The following GLP2R variants were observed in gnomAD, a reference collection of about 807,000 sequenced individuals.
GLP2R encodes the protein glucagon like peptide 2 receptor, also known as glucagon-like peptide 2 receptor.
A neutral mutation model predicts 68.2 loss-of-function variants in GLP2R; 59 were observed. The ratio of observed to expected loss-of-function variants is 0.87; its 90% CI spans 0.70 to 1.07. The LOEUF (loss-of-function observed/expected upper bound fraction) is 1.07. Ranked by LOEUF, GLP2R falls within the 50% of genes least tolerant of loss-of-function variation. The pLI is 0.00. For synonymous variants in GLP2R, 270 were observed against 265.4 expected (o/e 1.02, Z -0.17); for missense variants, 548 against 677.4 (o/e 0.81, Z 2.12).
intron 11 of GLP2R, among the ~76,000 whole-genome samples, chr17:9,883,946 C>T (rs1567739628): frequency 6.6e-6 from 1 of 152,090 alleles, no homozygotes; most frequent in South Asian, 2.1e-4. Context: ...GGTAGATACA[C>T]AGGTAAATCT....
At chr17:9,855,151 G>A (rs1368488375) in intron 5 of GLP2R, among the ~76,000 whole-genome samples, 1 of 152,188 alleles carries the variant, frequency 6.6e-6, no homozygotes, top group African/African-American at 2.4e-5. Flanking sequence ...GGGAACTATG[G>A]TATTGTGTAA....
chr17:9,860,607 C>T (rs189867660), intron 7 of GLP2R, among the ~76,000 whole-genome samples: 306 of 152,172 alleles, frequency 2.0e-3, no homozygotes, highest in African/African-American at 7.2e-3. Context: ...TCATGAGGAC[C>T]CCACCCTCAT....
Position 9,862,030 on chromosome 17 carries a change from A to G in GLP2R, c.996A>G (p.Thr332=), listed in dbSNP as rs749454238. The change falls in exon 9 of 13, where the codon ACA becomes ACG. Residue 332 remains threonine (T), a synonymous_variant. Coordinates refer to ENST00000262441, the MANE Select transcript of GLP2R (RefSeq NM_004246.3). The stretch of plus-strand genomic sequence containing the variant: ...CTACTGTTGACCTTAGGTGCTGGAC[A>G]ACAAATGGGAATAAGAAAATCTGGT... The part of the protein sequence containing the change: ...RAHLENTGCW[T]TNGNKKIWWI... 1.2e-6 allele frequency: 2 copies of G among 1,613,134 alleles called. No individual in the cohort carries two copies. Among genetic ancestry groups the G allele is most frequent in the Middle Eastern group, 1.7e-4 (1 of 6,060 alleles).
chr17:9,882,931 A>C (rs2067209635), intron 11 of GLP2R, among the ~76,000 whole-genome samples: 1 of 146,722 alleles, frequency 6.8e-6, no homozygotes, highest in African/African-American at 2.6e-5. Flanking sequence ...TAAAACTTCC[A>C]GTTTTTTCCA....
At chr17:9,847,414 G>C (rs1041477039) in intron 4 of GLP2R, among the ~76,000 whole-genome samples, 3 of 151,798 alleles carry the variant, frequency 2.0e-5, no homozygotes, top group Non-Finnish European at 4.4e-5. Context: ...GGACTACAGG[G>C]GCACGCTGCC....
At position 9,871,293 on chromosome 17, in the gene GLP2R, G is replaced by T. The variant is rs375325281; in HGVS notation, c.1145+458G>T. Among the ~76,000 whole-genome samples, 59 of 151,308 alleles carry T rather than the reference G, an allele frequency of 3.9e-4. 1 individual carries two copies. In the East Asian group the frequency reaches 5.1e-3, roughly 13 times the overall value. The stretch of plus-strand genomic sequence containing the variant: ...TGCTTGAGCCCAGAAGGTCGAGGCT[G>T]CAGTGAGCCATGATTGTGCCACTGC... On this transcript the variant is annotated intron_variant, in intron 10 of 12. Transcript: ENST00000262441.
intron 3 of GLP2R, among the ~76,000 whole-genome samples, chr17:9,839,850 C>T (rs1296563639): frequency 2.0e-5 from 3 of 152,152 alleles, no homozygotes; most frequent in African/African-American, 4.8e-5. Flanking sequence ...GAGGCCTCCT[C>T]ACAGGCTCTG....
rs779755366 is a variant in GLP2R, at chr17:9,880,566, G to A, written c.1284+50G>A. On this transcript the variant is annotated intron_variant, in intron 11 of 12. Transcript: ENST00000262441. ...GCCTTGACTTTGGAGAAAACAAAAT[G>A]CATGTGGCCGAAACAGGCTCAGAAT... 7.6e-6 allele frequency: 10 copies of A among 1,312,032 alleles called. No homozygotes were observed. In the Admixed American group the frequency reaches 1.3e-4, roughly 16 times the overall value. The allele number at this position is 1,312,032 out of a possible 1,614,324, so 81.3% of individuals were successfully genotyped here.
chr17:9,827,499 TTAAC>T (rs1376459290), intron 1 of GLP2R, among the ~76,000 whole-genome samples: 2 of 152,206 alleles, frequency 1.3e-5, no homozygotes, highest in African/African-American at 4.8e-5. Context: ...TGTAATGTCT[TTAAC>T]TATCCTCTAT....
chr17:9,846,446 T>C (rs2066839575), intron 4 of GLP2R, among the ~76,000 whole-genome samples: 1 of 152,056 alleles, frequency 6.6e-6, no homozygotes, highest in South Asian at 2.1e-4. Context: ...CGAAACCCCA[T>C]CTCTAAAAAA....
intron 5 of GLP2R, among the ~76,000 whole-genome samples, chr17:9,857,013 C>T (rs1465480131): frequency 6.6e-6 from 1 of 152,140 alleles, no homozygotes; most frequent in Non-Finnish European, 1.5e-5. Flanking sequence ...CCTCCGACTC[C>T]CTGGTTCAAG....
intron 11 of GLP2R, among the ~76,000 whole-genome samples, chr17:9,881,833 C>G (rs1364279181): frequency 1.3e-5 from 2 of 152,036 alleles, no homozygotes; most frequent in African/African-American, 4.8e-5. Flanking sequence ...TAGTGAAGGC[C>G]ACTAATGCAA....
intron 6 of GLP2R, among the ~76,000 whole-genome samples, chr17:9,859,636 A>AATAT (rs141072252): frequency 0.036 from 5,123 of 143,028 alleles, 117 homozygotes; most frequent in Middle Eastern, 0.068. Flanking sequence ...ACTAAAAAAA[A>AATAT]ATATATATAT....
Position 9,890,111 on chromosome 17 carries a change from G to A in GLP2R, c.*406G>A. Reference sequence around the variant, plus strand: ...TTTAGGGTGCGTGAAAACCTCCTAGGAAGCTTTTAAAATGCAGAATCCTAG... The same window carrying A: ...TTTAGGGTGCGTGAAAACCTCCTAGAAAGCTTTTAAAATGCAGAATCCTAG... On this transcript the variant is annotated 3_prime_UTR_variant, in exon 13 of 13. Transcript: ENST00000262441. 2.2e-6 allele frequency: 1 copy of A among 454,608 alleles called. No individual in the cohort carries two copies. Among genetic ancestry groups the A allele is most frequent in the South Asian group, 1.6e-5 (1 of 64,082 alleles). The allele number at this position is 454,608 out of a possible 1,614,324, so 28.2% of individuals were successfully genotyped here.
Position 9,842,597 on chromosome 17 carries a change from A to C in GLP2R, c.485A>C (p.Asn162Thr), listed in dbSNP as rs1355237892. 9.3e-6 allele frequency: 15 copies of C among 1,613,900 alleles called. No individual in the cohort carries two copies. Among genetic ancestry groups the C allele is most frequent in the Non-Finnish European group, 1.2e-5 (14 of 1,179,996 alleles). Reference sequence around the variant, plus strand: ...CAGGATGACTCCGAATGCTCCGAGAACCACAGCTTCAAGCAAAACGTGAGT... The same window carrying C: ...CAGGATGACTCCGAATGCTCCGAGACCCACAGCTTCAAGCAAAACGTGAGT... ...IWQDDSECSE[N>T]HSFKQNVDRY... Residue 162 changes from asparagine to threonine, a missense_variant, in exon 4 of 13, where the codon AAC becomes ACC. Physicochemically the swap from Asn to Thr is moderately conservative, Grantham distance 65. Coordinates refer to ENST00000262441, the MANE Select transcript of GLP2R (RefSeq NM_004246.3).
intron 9 of GLP2R, among the ~76,000 whole-genome samples, chr17:9,869,968 G>C (rs1410922023): frequency 2.0e-5 from 3 of 152,158 alleles, no homozygotes; most frequent in African/African-American, 7.2e-5. Context: ...GACAATGGAG[G>C]GCTGGATTTT....
In GLP2R at chr17:9,842,611, C is replaced by A; in HGVS notation, c.499C>A (p.Gln167Lys). ...SECSENHSFK[Q>K]NVDRYALLST... ...ATGCTCCGAGAACCACAGCTTCAAG[C>A]AAAACGTGAGTTTGCTCAGCTCAGT... Residue 167 changes from glutamine to lysine, a missense_variant, in exon 4 of 13, where the codon CAA becomes AAA. Gln to Lys is a moderately conservative substitution (Grantham distance 53). Transcript: ENST00000262441. 1 of 1,613,700 alleles carries A rather than the reference C, an allele frequency of 6.2e-7. No individual in the cohort carries two copies. Among genetic ancestry groups the A allele is most frequent in the East Asian group, 2.2e-5 (1 of 44,866 alleles).
At chr17:9,849,208 C>T (rs531862691) in intron 4 of GLP2R, among the ~76,000 whole-genome samples, 1 of 151,814 alleles carries the variant, frequency 6.6e-6, no homozygotes, top group South Asian at 2.1e-4. Flanking sequence ...ATATAGTAGA[C>T]ACTCATATAC....
At chr17:9,836,624 TG>T in intron 3 of GLP2R, 149 bp downstream of exon 3, 1 of 552,850 alleles carries the variant, frequency 1.8e-6, no homozygotes. Context: ...TTTTTATGTA[TG>T]TATGTATATA....
Sources: allele counts gnomAD v4.1 joint callset (sites outside exome capture counted in the v4.1 genomes callset), GRCh38; gene constraint gnomAD v4.1.1; transcripts MANE v1.5; gene names NCBI Gene and HGNC (gene_info 2026-07-23, HGNC 2026-07-21).